The following HYDIN variants were observed in gnomAD, a reference collection of about 807,000 sequenced individuals.
The protein encoded by HYDIN is HYDIN axonemal central pair apparatus protein.
In HYDIN, 132 loss-of-function variants were observed where a neutral mutation model predicts 403.9. That is an observed-to-expected ratio of 0.33 (90% confidence interval 0.28 to 0.38). The LOEUF is 0.38. HYDIN is among the 10% of genes least tolerant of loss of function. HYDIN has a pLI of 1.00. For synonymous variants in HYDIN, 1,202 were observed against 1,891.7 expected (o/e 0.64, Z 9.46); for missense variants, 2,827 against 5,009.5 (o/e 0.56, Z 13.15).
intron 7 of HYDIN, among the ~76,000 whole-genome samples, chr16:71,145,911 A>G (rs953177383): frequency 4.6e-5 from 7 of 152,292 alleles, no homozygotes; most frequent in Admixed American, 1.3e-4. Flanking sequence ...TAAGGGTTAG[A>G]TGAGGTTATC....
intron 23 of HYDIN, among the ~76,000 whole-genome samples, chr16:71,017,025 C>T (rs1021127196): frequency 9.9e-5 from 15 of 151,900 alleles, no homozygotes; most frequent in African/African-American, 3.6e-4. Flanking sequence ...AGTGAGTTCT[C>T]ATGAGATCTG....
chr16:70,966,709 T>C (rs555948294), intron 36 of HYDIN, among the ~76,000 whole-genome samples: 1 of 151,664 alleles, frequency 6.6e-6, no homozygotes, highest in South Asian at 2.1e-4. Flanking sequence ...GTATCTGATC[T>C]TCAAAAGTCA....
intron 1 of HYDIN, among the ~76,000 whole-genome samples, chr16:71,205,376 G>A (rs1208548940): frequency 2.0e-5 from 3 of 152,208 alleles, no homozygotes; most frequent in African/African-American, 7.2e-5. Flanking sequence ...ACCCCTGGGG[G>A]ATTCATGCTC....
chr16:71,195,544 GATTA>G (rs1218537847), intron 1 of HYDIN, among the ~76,000 whole-genome samples: 3 of 152,096 alleles, frequency 2.0e-5, no homozygotes, highest in African/African-American at 7.2e-5. Context: ...TGAGTATAAG[GATTA>G]ATTTTCACTT....
intron 67 of HYDIN, among the ~76,000 whole-genome samples, chr16:70,863,497 G>C (rs2143625585): frequency 6.6e-6 from 1 of 152,272 alleles, no homozygotes; most frequent in East Asian, 1.9e-4. Flanking sequence ...CCATGAGAGA[G>C]GAAACAAAAT....
chr16:71,009,820 CA>C (rs2080017542), intron 23 of HYDIN, among the ~76,000 whole-genome samples: 1 of 124,678 alleles, frequency 8.0e-6, no homozygotes, highest in Admixed American at 8.1e-5. Context: ...GTGAAAGGAA[CA>C]AAGCTCTGGA....
intron 2 of HYDIN, among the ~76,000 whole-genome samples, 153 bp from the exon 3 acceptor site, chr16:71,185,143 A>G (rs2087083952): frequency 6.6e-6 from 1 of 152,184 alleles, no homozygotes; most frequent in Non-Finnish European, 1.5e-5. Context: ...TAAAATAAGT[A>G]AATTATATAA....
intron 21 of HYDIN, among the ~76,000 whole-genome samples, chr16:71,022,277 A>G (rs565739352): frequency 6.6e-6 from 1 of 152,308 alleles, no homozygotes; most frequent in South Asian, 2.1e-4. Context: ...AGGCCATTCT[A>G]TTTTAAAATG....
chr16:70,837,144 T>C (rs1283500923), intron 77 of HYDIN, among the ~76,000 whole-genome samples: 1 of 152,198 alleles, frequency 6.6e-6, no homozygotes, highest in African/African-American at 2.4e-5. Flanking sequence ...AGCAGCAGAA[T>C]ATGACCATTC....
In HYDIN at chr16:70,802,156, T is replaced by G. The variant is rs2034900647; in HGVS notation, c.*5424A>C. ...TATAACAGTCTTGAAAATGGAGTAT[T>G]TTCCTCAACAGAAACAGGGACGCAA... is the stretch of plus-strand genomic sequence containing the variant. On this transcript the variant is annotated 3_prime_UTR_variant, in exon 86 of 86. Transcript: ENST00000393567. 1 of 152,178 alleles carries G rather than the reference T, an allele frequency of 6.6e-6. No homozygotes were observed. Among genetic ancestry groups the G allele is most frequent in the South Asian group, 2.1e-4 (1 of 4,828 alleles). 9.4% of individuals were successfully genotyped at this position (152,178 alleles called of 1,614,324 possible). A position where few individuals can be genotyped will look rare whatever the true frequency, so the allele number is the denominator to read the frequency against.
intron 7 of HYDIN, among the ~76,000 whole-genome samples, chr16:71,145,920 T>C (rs979124704): frequency 2.0e-5 from 3 of 152,308 alleles, no homozygotes; most frequent in Non-Finnish European, 4.4e-5. Context: ...GATGAGGTTA[T>C]CAGTGAAGTC....
intron 22 of HYDIN, among the ~76,000 whole-genome samples, chr16:71,018,786 G>A (rs1484292569): frequency 1.3e-5 from 2 of 152,410 alleles, no homozygotes; most frequent in East Asian, 3.9e-4. Flanking sequence ...GAGTTGTAAA[G>A]GAAAAGTCTA....
In HYDIN at chr16:71,115,809, A is replaced by G. The variant is rs774952628; in HGVS notation, c.1228-14T>C. On this transcript the variant is annotated splice_polypyrimidine_tract_variant and intron_variant, in intron 9 of 85. Transcript: ENST00000393567. ...GACATCACCTTCCTGAAAAACATGAAAGAATCATTAAAAAACAATATGACA... is the reference window on the plus strand; with the variant it reads ...GACATCACCTTCCTGAAAAACATGAGAGAATCATTAAAAAACAATATGACA... 4 of 699,334 alleles carry G rather than the reference A, an allele frequency of 5.7e-6. No individual in the cohort carries two copies. The Admixed American group carries it at 9.3e-5, about 16-fold the overall frequency. 43.3% of individuals were successfully genotyped at this position (699,334 alleles called of 1,614,324 possible).
At chr16:70,877,603 G>A (rs1227850203) in intron 62 of HYDIN, among the ~76,000 whole-genome samples, 2 of 152,172 alleles carry the variant, frequency 1.3e-5, no homozygotes, top group Admixed American at 6.5e-5. Context: ...TAAGGAGCAC[G>A]CAGCCTAGAT....
intron 66 of HYDIN, among the ~76,000 whole-genome samples, chr16:70,866,577 G>A (rs2143637173): frequency 1.3e-5 from 2 of 152,100 alleles, no homozygotes; most frequent in Middle Eastern, 6.8e-3. Flanking sequence ...ATAAAATCCA[G>A]GTGGGCCAAG....
Position 71,089,567 on chromosome 16 carries a change from A to C in HYDIN, c.1447-1043T>G, listed in dbSNP as rs534951641. On this transcript the variant is annotated intron_variant, in intron 11 of 85. Transcript: ENST00000393567. ...GCTGAGGGAGGAGGATTCCCAGAAG[A>C]AGTCAGATGCAGACAGAGGTCAGGA... Among the ~76,000 whole-genome samples the C allele has an allele frequency of 1.6e-4, 24 of 152,344 alleles. 1 individual carries two copies. The South Asian group carries it at 5.0e-3, about 32-fold the overall frequency.
At chr16:71,061,529 T>C (rs1288158903) in intron 17 of HYDIN, among the ~76,000 whole-genome samples, 6 of 152,206 alleles carry the variant, frequency 3.9e-5, no homozygotes, top group African/African-American at 1.4e-4. Context: ...GTGGAGAGCT[T>C]TCCATGAATC....
intron 1 of HYDIN, among the ~76,000 whole-genome samples, chr16:71,208,565 C>A (rs1354297943): frequency 6.6e-6 from 1 of 151,862 alleles, no homozygotes; most frequent in Non-Finnish European, 1.5e-5. Context: ...CAGAGCTGAA[C>A]TGAAGGAGAT....
At chr16:71,129,455 G>A (rs2084615293) in intron 9 of HYDIN, among the ~76,000 whole-genome samples, 185 bp downstream of exon 9, 1 of 152,190 alleles carries the variant, frequency 6.6e-6, no homozygotes, top group South Asian at 2.1e-4. Context: ...ACCTATATAT[G>A]TGTCCCATGA....
Sources: gnomAD v4.1 joint callset for allele counts (sites outside exome capture counted in the v4.1 genomes callset) on GRCh38, gnomAD v4.1.1 for gene constraint, MANE v1.5 for transcripts, NCBI Gene and HGNC (gene_info 2026-07-23, HGNC 2026-07-21) for gene names.